Variants in USP7 observed in about 807,000 individuals in gnomAD.
USP7 encodes the protein ubiquitin specific peptidase 7.
A neutral mutation model predicts 162.9 loss-of-function variants in USP7; 9 were observed. That is an observed-to-expected ratio of 0.06 (90% CI 0.03 to 0.10). The LOEUF (loss-of-function observed/expected upper bound fraction) is 0.10. Among genes scored for constraint, USP7 ranks in the 10% least tolerant of loss-of-function variants. The pLI, the probability that USP7 is intolerant of heterozygous loss-of-function variation, is 1.00. For missense variants in USP7, 715 were observed against 1,373.7 expected, an observed-to-expected ratio of 0.52 and a Z score of 7.58; for synonymous variants, 562 against 475.9, an observed-to-expected ratio of 1.18 and a Z score of -2.35.
At position 8,921,809 on chromosome 16, in the gene USP7, G is replaced by A. The variant is rs1897705755; in HGVS notation, c.384-514C>T. Among the ~76,000 whole-genome samples the A allele has an allele frequency of 2.0e-5, 3 of 152,308 alleles. No homozygotes were observed. In the South Asian group the frequency reaches 6.2e-4, roughly 32 times the overall value. On this transcript the variant is annotated intron_variant, in intron 3 of 30. Transcript: ENST00000344836. The stretch of plus-strand genomic sequence containing the variant: ...ACAAGAGAACTACTGTACCTGCAGT[G>A]AAGTGTGGGGTGGACCACAAAAGGG...
chr16:8,954,326 T>A (rs1461869481), intron 1 of USP7, among the ~76,000 whole-genome samples: 1 of 152,148 alleles, frequency 6.6e-6, no homozygotes, highest in Non-Finnish European at 1.5e-5. Flanking sequence ...GAGCCTTAGA[T>A]ACCTTTTTAA....
At chr16:8,894,439 G>C (rs1414009408) in intron 30 of USP7, 111 bp downstream of exon 30, 3 of 1,074,748 alleles carry the variant, frequency 2.8e-6, no homozygotes, top group African/African-American at 3.2e-5. Flanking sequence ...AGGTCGGCCA[G>C]TGGAGAGAGA....
chr16:8,951,839 G>T (rs535886385), intron 1 of USP7, among the ~76,000 whole-genome samples: 5 of 152,306 alleles, frequency 3.3e-5, no homozygotes, highest in Non-Finnish European at 5.9e-5. Context: ...GATTCACAAA[G>T]GAAGCAATCT....
rs2141153898 is a variant in USP7 at position 8,893,113 on chromosome 16, T to A, written c.*885A>T. On this transcript the variant is annotated 3_prime_UTR_variant, in exon 31 of 31. Coordinates refer to ENST00000344836, the MANE Select transcript of USP7 (RefSeq NM_003470.3). ...GTTCATTCATTAAATATACAATTCA[T>A]TTTTCCTTTTTTTTTCATTTTTAAC... 6.6e-6 allele frequency: 1 copy of A among 152,304 alleles called. No individual in the cohort carries two copies. The highest frequency in any genetic ancestry group is 1.9e-4 in the East Asian group (1 of 5,186). 9.4% of individuals were successfully genotyped at this position (152,304 alleles called of 1,614,324 possible). A position where few individuals can be genotyped will look rare whatever the true frequency, so the allele number is the denominator to read the frequency against.
intron 16 of USP7, among the ~76,000 whole-genome samples, 166 bp from the exon 17 acceptor site, chr16:8,902,648 C>G (rs371368523): frequency 4.6e-5 from 7 of 151,912 alleles, no homozygotes; most frequent in African/African-American, 1.7e-4. Context: ...CCAGCACTTT[C>G]GGAGGCCGAG....
intron 11 of USP7, among the ~76,000 whole-genome samples, chr16:8,909,577 A>G (rs955282325): frequency 6.6e-6 from 1 of 152,206 alleles, no homozygotes; most frequent in African/African-American, 2.4e-5. Context: ...AGAATAGAGA[A>G]CAGTAATTCT....
At chr16:8,903,764 G>A (rs1396594007) in intron 15 of USP7, among the ~76,000 whole-genome samples, 1 of 151,846 alleles carries the variant, frequency 6.6e-6, no homozygotes, top group Non-Finnish European at 1.5e-5. Flanking sequence ...CTACTAGGAA[G>A]GCTGAGGCAG....
intron 16 of USP7, 115 bp from the exon 17 acceptor site, chr16:8,902,597 CTG>C (rs1350205991): frequency 6.6e-6 from 6 of 908,192 alleles, no homozygotes; most frequent in Non-Finnish European, 8.0e-6. Context: ...AATGTTAAGA[CTG>C]TGATCGTAGG....
chr16:8,944,302 G>A (rs1899184392), intron 1 of USP7, among the ~76,000 whole-genome samples: 1 of 152,112 alleles, frequency 6.6e-6, no homozygotes, highest in Non-Finnish European at 1.5e-5. Flanking sequence ...GAGAGGGGGT[G>A]CAACAGCTGC....
chr16:8,917,356 A>G (rs555037810), intron 6 of USP7, among the ~76,000 whole-genome samples, 200 bp from the exon 7 acceptor site: 6 of 152,246 alleles, frequency 3.9e-5, no homozygotes, highest in Non-Finnish European at 7.3e-5. Flanking sequence ...ACTGGAAAAC[A>G]TAAGAATGCA....
intron 1 of USP7, among the ~76,000 whole-genome samples, chr16:8,933,922 ATTTTT>A (rs569316608): frequency 4.6e-5 from 7 of 151,674 alleles, no homozygotes; most frequent in Non-Finnish European, 8.8e-5. Context: ...CGCCCAGCTA[ATTTTT>A]TTTATTTTTA....
At chr16:8,924,877 A>C (rs1397029107) in intron 2 of USP7, among the ~76,000 whole-genome samples, 2 of 152,258 alleles carry the variant, frequency 1.3e-5, no homozygotes, top group South Asian at 2.1e-4. Flanking sequence ...AGTTGCTTAC[A>C]GCACAGGAAC....
chr16:8,924,239 G>A (rs1325557194), intron 2 of USP7, among the ~76,000 whole-genome samples: 1 of 152,212 alleles, frequency 6.6e-6, no homozygotes, highest in African/African-American at 2.4e-5. Context: ...GCATCTTACT[G>A]CTTCCCAAAC....
chr16:8,947,792 C>G (rs1476704810), intron 1 of USP7, among the ~76,000 whole-genome samples: 1 of 152,232 alleles, frequency 6.6e-6, no homozygotes, highest in African/African-American at 2.4e-5. Context: ...AGATGTGGGA[C>G]TGCCTGATGG....
chr16:8,902,017 G>C, intron 18 of USP7, 65 bp downstream of exon 18: 3 of 1,376,540 alleles, frequency 2.2e-6, no homozygotes, highest in African/African-American at 1.4e-5. Flanking sequence ...TGTGTGTTTA[G>C]AACAACAATC....
intron 10 of USP7, among the ~76,000 whole-genome samples, 190 bp from the exon 11 acceptor site, chr16:8,911,017 G>T (rs1416585574): frequency 6.6e-6 from 1 of 152,218 alleles, no homozygotes; most frequent in Non-Finnish European, 1.5e-5. Context: ...TTGGCCAAAG[G>T]TCATTGGTAT....
intron 22 of USP7, 173 bp downstream of exon 22, chr16:8,899,431 G>C: frequency 1.1e-6 from 1 of 908,150 alleles, no homozygotes; most frequent in East Asian, 2.6e-5. Context: ...TTTTCTGATG[G>C]CGATTATTCT....
chr16:8,926,650 T>C (rs1898017949), intron 2 of USP7, among the ~76,000 whole-genome samples: 1 of 152,204 alleles, frequency 6.6e-6, no homozygotes, highest in Non-Finnish European at 1.5e-5. Flanking sequence ...TCCTATGTAT[T>C]ATTTTTTTGC....
At chr16:8,894,472 G>A (rs745866621) in intron 30 of USP7, 78 bp downstream of exon 30, 4 of 1,461,356 alleles carry the variant, frequency 2.7e-6, no homozygotes, top group Admixed American at 2.1e-5. Flanking sequence ...TGACCCTGGG[G>A]CTGCCCCTCC....
Sources: gnomAD v4.1 joint callset for allele counts (sites outside exome capture counted in the v4.1 genomes callset) on GRCh38, gnomAD v4.1.1 for gene constraint, MANE v1.5 for transcripts, NCBI Gene and HGNC (gene_info 2026-07-23, HGNC 2026-07-21) for gene names.